GALNT14: variants seen among roughly 807,000 people sequenced by gnomAD.
GALNT14 encodes the protein UDP-GalNAc:polypeptide N-acetylgalactosaminyltransferase 14.
GALNT14 carries 60 observed loss-of-function variants against 77.5 expected under a neutral mutation model. The observed-to-expected ratio is 0.77, with a 90% CI of 0.63 to 0.96. GALNT14 has a LOEUF of 0.96. Ranked by LOEUF, GALNT14 falls within the 40% of genes least tolerant of loss-of-function variation. The pLI is 0.00. For missense variants in GALNT14, 710 were observed against 731.0 expected (o/e 0.97, Z 0.33); for synonymous variants, 280 against 281.7 (o/e 0.99, Z 0.06).
At chr2:31,122,234 C>G (rs1239898636) in intron 1 of GALNT14, among the ~76,000 whole-genome samples, 1 of 152,176 alleles carries the variant, frequency 6.6e-6, no homozygotes, top group Non-Finnish European at 1.5e-5. Flanking sequence ...CCGGGATAAG[C>G]AGAACGTGAA....
chr2:30,906,436 C>A (rs1664144432), downstream of GALNT14, among the ~76,000 whole-genome samples: 3 of 147,640 alleles, frequency 2.0e-5, no homozygotes, highest in African/African-American at 5.1e-5. Context: ...AGACTTTAAA[C>A]CAACAAAGAT....
intron 1 of GALNT14, among the ~76,000 whole-genome samples, chr2:31,131,665 T>C (rs2148652338): frequency 6.6e-6 from 1 of 152,156 alleles, no homozygotes; most frequent in East Asian, 1.9e-4. Context: ...TGGGGAGGCA[T>C]GGTGTAGGAT....
chr2:31,050,732 G>A lies in GALNT14; in HGVS notation c.130-57725C>T, dbSNP rs187022452. 5.0e-3 allele frequency among the ~76,000 whole-genome samples: 755 copies of A among 151,272 alleles called. 12 individuals are homozygous for A. The highest frequency in any genetic ancestry group is 0.021 in the South Asian group (101 of 4,770). On this transcript the variant is annotated intron_variant, in intron 1 of 14. Coordinates refer to ENST00000349752, the MANE Select transcript of GALNT14 (RefSeq NM_024572.4). Reference sequence around the variant, plus strand: ...GGAAACTCCCTAGTCTCTTTATAACGTCTCTATAACTCTAAAATTATTATA... The same window carrying A: ...GGAAACTCCCTAGTCTCTTTATAACATCTCTATAACTCTAAAATTATTATA...
rs182953467 is a variant in GALNT14 at position 31,108,428 on chromosome 2, G to A, written c.129+29530C>T. ...ACGTCACCCGCTCAATTACACAGGC[G>A]GGCTCTAGAAGACCTAACCCAGTTT... is the stretch of plus-strand genomic sequence containing the variant. On this transcript the variant is annotated intron_variant, in intron 1 of 14. Transcript: ENST00000349752. Among the ~76,000 whole-genome samples the A allele has an allele frequency of 1.5e-3, 229 of 152,298 alleles. 1 individual carries two copies. Among genetic ancestry groups the A allele is most frequent in the African/African-American group, 4.6e-3 (193 of 41,570 alleles).
intron 13 of GALNT14, among the ~76,000 whole-genome samples, chr2:30,912,769 G>C (rs1664445873): frequency 6.6e-6 from 1 of 152,068 alleles, no homozygotes; most frequent in Non-Finnish European, 1.5e-5. Flanking sequence ...GATATCTTTA[G>C]ACTCTCCCCT....
At chr2:30,887,480 G>C in the GALNT14 span, among the ~76,000 whole-genome samples, 1 of 151,956 alleles carries the variant, frequency 6.6e-6, no homozygotes, top group Non-Finnish European at 1.5e-5. Context: ...TAATAATGTT[G>C]AGCATCTTTC....
chr2:31,023,581 C>A (rs1351204977), intron 1 of GALNT14, among the ~76,000 whole-genome samples: 1 of 152,128 alleles, frequency 6.6e-6, no homozygotes. Context: ...GAGCCCCAAC[C>A]CCATTAGGCT....
In GALNT14 at chr2:31,075,893, C is replaced by G. The variant is rs1400060429; in HGVS notation, c.129+62065G>C. ...AAAGAAATCTCTCTAAAGCACACTA[C>G]AAACAACTCCGACAGTCCCAAGTCC... is the stretch of plus-strand genomic sequence containing the variant. On this transcript the variant is annotated intron_variant, in intron 1 of 14. Coordinates refer to ENST00000349752, the MANE Select transcript of GALNT14 (RefSeq NM_024572.4). Among the ~76,000 whole-genome samples the G allele has an allele frequency of 2.0e-5, 3 of 152,358 alleles. No individual in the cohort carries two copies. The East Asian group carries it at 5.8e-4, about 29-fold the overall frequency.
At chr2:31,137,218 T>A (rs1679264039) in intron 1 of GALNT14, among the ~76,000 whole-genome samples, 1 of 152,222 alleles carries the variant, frequency 6.6e-6, no homozygotes, top group South Asian at 2.1e-4. Flanking sequence ...AGTTTTCCCT[T>A]TCCCCCTACA....
intron 1 of GALNT14, among the ~76,000 whole-genome samples, chr2:31,037,963 G>A (rs1672845778): frequency 6.7e-6 from 1 of 150,092 alleles, no homozygotes; most frequent in Non-Finnish European, 1.5e-5. Flanking sequence ...TGTGTGCATG[G>A]CATTCTAAAT....
the GALNT14 span, among the ~76,000 whole-genome samples, chr2:30,897,915 T>A: frequency 6.6e-6 from 1 of 152,198 alleles, no homozygotes; most frequent in South Asian, 2.1e-4. Context: ...TCTCCAGGAC[T>A]CCATGCCCCA....
At chr2:31,037,499 T>A (rs1486197632) in intron 1 of GALNT14, among the ~76,000 whole-genome samples, 2 of 152,252 alleles carry the variant, frequency 1.3e-5, no homozygotes, top group African/African-American at 4.8e-5. Flanking sequence ...AGCTTCCATA[T>A]GGACAGTTTC....
rs556075078 is a variant in GALNT14, at chr2:31,110,592, G to A, written c.129+27366C>T. Among the ~76,000 whole-genome samples, 8 of 152,206 alleles carry A rather than the reference G, an allele frequency of 5.3e-5. No individual in the cohort carries two copies. In the South Asian group the frequency reaches 1.5e-3, roughly 28 times the overall value. On this transcript the variant is annotated intron_variant, in intron 1 of 14. Coordinates refer to ENST00000349752, the MANE Select transcript of GALNT14 (RefSeq NM_024572.4). ...ATGGGCGAGATGTCAGCCTTCCTAT[G>A]TCCTTCCCTGACCTCCCAGGGAAAC...
chr2:30,955,880 C>T (rs375499630), intron 5 of GALNT14, 32 bp downstream of exon 5: 106 of 1,613,248 alleles, frequency 6.6e-5, no homozygotes, highest in Non-Finnish European at 8.1e-5. Flanking sequence ...GACACTCACA[C>T]TGGAGGCTCC....
chr2:31,027,886 CTG>C (rs10562223), intron 1 of GALNT14, among the ~76,000 whole-genome samples: 4,084 of 141,428 alleles, frequency 0.029, 154 homozygotes, highest in African/African-American at 0.089. Context: ...CAGATGTATT[CTG>C]TGTGTGTGTG....
intron 1 of GALNT14, among the ~76,000 whole-genome samples, chr2:31,108,302 T>C (rs964279550): frequency 6.6e-6 from 1 of 152,230 alleles, no homozygotes; most frequent in Non-Finnish European, 1.5e-5. Flanking sequence ...AAGTGGCAGA[T>C]GGAAACATAA....
chr2:31,054,553 A>G (rs1674093896), intron 1 of GALNT14, among the ~76,000 whole-genome samples: 1 of 152,206 alleles, frequency 6.6e-6, no homozygotes, highest in African/African-American at 2.4e-5. Flanking sequence ...TACCCCATTC[A>G]ACTTTGCTGC....
intron 3 of GALNT14, among the ~76,000 whole-genome samples, chr2:30,959,836 A>T (rs1007102269): frequency 6.6e-6 from 1 of 152,090 alleles, no homozygotes; most frequent in African/African-American, 2.4e-5. Flanking sequence ...GAACACCCCA[A>T]ACCACGTGAC....
At chr2:31,083,927 G>T (rs567195562) in intron 1 of GALNT14, among the ~76,000 whole-genome samples, 2 of 152,184 alleles carry the variant, frequency 1.3e-5, no homozygotes, top group Non-Finnish European at 2.9e-5. Context: ...CTGGTGAAAG[G>T]CTGTGTGGTT....
Sources: allele counts gnomAD v4.1 joint callset (sites outside exome capture counted in the v4.1 genomes callset), GRCh38; gene constraint gnomAD v4.1.1; transcripts MANE v1.5; gene names NCBI Gene and HGNC (gene_info 2026-07-23, HGNC 2026-07-21).